Variants in NAV3 observed in about 807,000 individuals in gnomAD.
NAV3 encodes pore membrane and/or filament interacting like protein 1.
A neutral mutation model predicts 244.7 loss-of-function variants in NAV3; 87 were observed. The ratio of observed to expected loss-of-function variants is 0.36; its 90% CI spans 0.30 to 0.42. The LOEUF (loss-of-function observed/expected upper bound fraction) is 0.42. Ranked by LOEUF, NAV3 falls within the 20% of genes least tolerant of loss-of-function variation. The probability of loss-of-function intolerance (pLI) is 1.00; values close to 1 mark genes in which losing one functional copy is unlikely to be tolerated. For synonymous variants in NAV3, 1,126 were observed against 1,042.2 expected (o/e 1.08, Z -1.55); for missense variants, 2,663 against 2,893.3 (o/e 0.92, Z 1.83).
chr12:77,957,548 T>C (rs1348979909), intron 3 of NAV3, among the ~76,000 whole-genome samples: 1 of 152,226 alleles, frequency 6.6e-6, no homozygotes, highest in Non-Finnish European at 1.5e-5. Flanking sequence ...TAAAAAATGC[T>C]AAAAGGCTGG....
At chr12:78,025,813 T>A (rs2136887568) in intron 9 of NAV3, among the ~76,000 whole-genome samples, 1 of 152,206 alleles carries the variant, frequency 6.6e-6, no homozygotes, top group Admixed American at 6.5e-5. Context: ...TCTCACCATA[T>A]GATCTCTGCA....
At chr12:77,615,889 G>C (rs1222996628) in intron 2 of NAV3, among the ~76,000 whole-genome samples, 1 of 152,042 alleles carries the variant, frequency 6.6e-6, no homozygotes, top group Non-Finnish European at 1.5e-5. Flanking sequence ...CTCTTCCCTT[G>C]TTTAAATGAG....
At chr12:77,822,275 T>G (rs1320073792) in intron 2 of NAV3, among the ~76,000 whole-genome samples, 1 of 152,212 alleles carries the variant, frequency 6.6e-6, no homozygotes, top group Non-Finnish European at 1.5e-5. Flanking sequence ...AGGTGGACAT[T>G]GTGTGCATTC....
chr12:78,055,903 G>C (rs1366658675), intron 11 of NAV3, among the ~76,000 whole-genome samples: 1 of 152,154 alleles, frequency 6.6e-6, no homozygotes, highest in African/African-American at 2.4e-5. Flanking sequence ...AAAAAATGCT[G>C]TTATAGACTT....
At chr12:77,686,674 C>T (rs567761465) in intron 2 of NAV3, among the ~76,000 whole-genome samples, 22 of 151,952 alleles carry the variant, frequency 1.4e-4, no homozygotes, top group Admixed American at 6.6e-5. Flanking sequence ...GATGAGGGAA[C>T]TGAGCACAAA....
chr12:77,987,466 T>A (rs1167788028), intron 5 of NAV3, among the ~76,000 whole-genome samples: 1 of 152,206 alleles, frequency 6.6e-6, no homozygotes, highest in African/African-American at 2.4e-5. Context: ...ATTAAGGATG[T>A]AATAATGACT....
At chr12:78,118,434 A>G (rs1048055690) in intron 14 of NAV3, 137 bp downstream of exon 14, 10 of 1,215,598 alleles carry the variant, frequency 8.2e-6, no homozygotes, top group Non-Finnish European at 1.1e-5. Context: ...AAATAGTTAA[A>G]TAGTTTTTCT....
chr12:77,778,806 T>G (rs1310946115), intron 2 of NAV3, among the ~76,000 whole-genome samples: 2 of 152,116 alleles, frequency 1.3e-5, no homozygotes, highest in African/African-American at 4.8e-5. Context: ...GTATTCTCTT[T>G]GGTAAAAGGC....
chr12:77,771,082 C>T (rs1176261901), intron 2 of NAV3, among the ~76,000 whole-genome samples: 1 of 152,136 alleles, frequency 6.6e-6, no homozygotes, highest in African/African-American at 2.4e-5. Flanking sequence ...AAACAAACAA[C>T]CCCATCAAAA....
chr12:77,919,929 T>C (rs1345082863), intron 1 of NAV3, among the ~76,000 whole-genome samples: 1 of 152,016 alleles, frequency 6.6e-6, no homozygotes, highest in African/African-American at 2.4e-5. Flanking sequence ...GAACAGCCCA[T>C]GATTTCTCCA....
chr12:77,762,022 C>A lies in NAV3; in HGVS notation c.73-178297C>A, dbSNP rs368473340. Among the ~76,000 whole-genome samples, 729 of 152,274 alleles carry A rather than the reference C, an allele frequency of 4.8e-3. 8 individuals carry two copies. Among genetic ancestry groups the A allele is most frequent in the Middle Eastern group, 0.017 (5 of 294 alleles). ...TATTCACAGTAGCAAAGACTTGGAACCCACCCAAATGCCCATCAGTGATAA... is the reference window on the plus strand; with the variant it reads ...TATTCACAGTAGCAAAGACTTGGAAACCACCCAAATGCCCATCAGTGATAA... On this transcript the variant is annotated intron_variant, in intron 2 of 8. Coordinates refer to the NAV3 transcript ENST00000550042.
rs574749003 is a variant in NAV3 at position 78,207,561 on chromosome 12, G to A, written c.7038+2423G>A. Reference sequence around the variant, plus strand: ...AGTTAGAATAAAGCTTTACAGAGGAGATGCTTGAGCTGGATCTTGAATGAT... The same window carrying A: ...AGTTAGAATAAAGCTTTACAGAGGAAATGCTTGAGCTGGATCTTGAATGAT... On this transcript the variant is annotated intron_variant, in intron 39 of 39. Transcript: ENST00000397909. Among the ~76,000 whole-genome samples, 7 of 152,310 alleles carry A rather than the reference G, an allele frequency of 4.6e-5. No individual in the cohort carries two copies. The South Asian group carries it at 1.5e-3, about 32-fold the overall frequency.
upstream of NAV3, among the ~76,000 whole-genome samples, chr12:77,827,350 C>T (rs1410155410): frequency 1.3e-5 from 2 of 150,794 alleles, no homozygotes; most frequent in South Asian, 4.2e-4. Flanking sequence ...TTTGTGTTGA[C>T]AGTTGAATAT....
chr12:78,159,909 T>C (rs1356812733), intron 23 of NAV3, among the ~76,000 whole-genome samples: 4 of 152,048 alleles, frequency 2.6e-5, no homozygotes, highest in African/African-American at 7.2e-5. Context: ...TGTTATGCAG[T>C]TGACAAGAAT....
intron 39 of NAV3, 102 bp downstream of exon 39, chr12:78,205,240 C>A: frequency 8.1e-7 from 1 of 1,240,914 alleles, no homozygotes; most frequent in Non-Finnish European, 1.1e-6. Flanking sequence ...TCCTAAGCAA[C>A]ATTTGGAACA....
At chr12:77,688,855 T>C (rs1028154744) in intron 2 of NAV3, among the ~76,000 whole-genome samples, 12 of 151,642 alleles carry the variant, frequency 7.9e-5, no homozygotes, top group Non-Finnish European at 8.9e-5. Context: ...CTGAACAGTG[T>C]GCCGCATGAT....
At chr12:78,134,659 C>A (rs995879700) in intron 18 of NAV3, among the ~76,000 whole-genome samples, 2 of 152,066 alleles carry the variant, frequency 1.3e-5, no homozygotes, top group Non-Finnish European at 2.9e-5. Flanking sequence ...GAGGCTGGGG[C>A]AAGAGGATCC....
Position 78,200,558 on chromosome 12 carries a change from T to G in NAV3, c.6801T>G (p.Pro2267=), listed in dbSNP as rs1959542356. The G allele has an allele frequency of 2.5e-6, 4 of 1,587,640 alleles. No individual in the cohort carries two copies. Among genetic ancestry groups the G allele is most frequent in the Non-Finnish European group, 3.4e-6 (4 of 1,164,998 alleles). Residue 2267 remains proline (P), a synonymous_variant, in exon 38 of 40, where the codon CCT becomes CCG. Transcript: ENST00000397909. ...ATCTCTGGAACTATTCTTTAGTACC[T>G]TATATTCTGGAGGCAGTGAGAGAGG... ...FMDLWNYSLV[P]YILEAVREGL... is the part of the protein sequence containing the mutation.
intron 2 of NAV3, among the ~76,000 whole-genome samples, chr12:77,705,384 A>G (rs1289767524): frequency 6.6e-6 from 1 of 151,528 alleles, no homozygotes; most frequent in East Asian, 1.9e-4. Context: ...AGCCTGGGTG[A>G]CAGCACGAGA....
Sources: gnomAD v4.1 joint callset for allele counts (sites outside exome capture counted in the v4.1 genomes callset) on GRCh38, gnomAD v4.1.1 for gene constraint, MANE v1.5 for transcripts, NCBI Gene and HGNC (gene_info 2026-07-23, HGNC 2026-07-21) for gene names.